Variants in UNC79 observed in about 807,000 individuals in gnomAD.
UNC79 encodes the protein protein unc-79 homolog.
A neutral mutation model predicts 283.1 loss-of-function variants in UNC79; 37 were observed. The observed-to-expected ratio is 0.13, with a 90% CI of 0.10 to 0.17. The LOEUF (loss-of-function observed/expected upper bound fraction) is 0.17. UNC79 is among the 10% of genes least tolerant of loss of function. The pLI is 1.00. For missense variants in UNC79, 2,272 were observed against 3,211.1 expected, an observed-to-expected ratio of 0.71 and a Z score of 7.07; for synonymous variants, 1,107 against 1,200.2, an observed-to-expected ratio of 0.92 and a Z score of 1.61.
At chr14:93,404,493 A>AAAAAAAAATATATATATATATATAT in intron 1 of UNC79, among the ~76,000 whole-genome samples, 144 of 61,418 alleles carry the variant, frequency 2.3e-3, no homozygotes, top group African/African-American at 4.1e-3. Flanking sequence ...TTCTAAAAAA[A>AAAAAAAAATATATATATATATATAT]ATATATATAT....
At chr14:93,509,755 G>A (rs1350696326) in intron 7 of UNC79, among the ~76,000 whole-genome samples, 1 of 152,168 alleles carries the variant, frequency 6.6e-6, no homozygotes, top group Non-Finnish European at 1.5e-5. Flanking sequence ...TCATGGGCTG[G>A]TGTTGAGTAC....
rs1254669352 is a variant in UNC79, at chr14:93,621,706, A to G, written c.4473A>G (p.Lys1491=). 2 of 1,613,738 alleles carry G rather than the reference A, an allele frequency of 1.2e-6. No homozygotes were observed. The highest frequency in any genetic ancestry group is 1.7e-6 in the Non-Finnish European group (2 of 1,179,884). ...GTGTGAGAGAAGAAAGCATTCCGAA[A>G]AAAAAGCTACGCTCTTTCAAACAAA... is the stretch of plus-strand genomic sequence containing the variant. Residue 1491 remains lysine (K), a synonymous_variant, in exon 30 of 49, where the codon AAA becomes AAG. Coordinates refer to ENST00000555664, the Ensembl canonical transcript of UNC79. This position sits in a 1 kb window ranked among gnomAD's most constrained non-coding sequence, Gnocchi z 4.8.
chr14:93,575,536 G>A (rs550250826), intron 17 of UNC79, among the ~76,000 whole-genome samples: 1 of 152,242 alleles, frequency 6.6e-6, no homozygotes, highest in Admixed American at 6.5e-5. Context: ...TTCACTTTGG[G>A]GGTGAGGAGT....
intron 1 of UNC79, among the ~76,000 whole-genome samples, chr14:93,391,314 C>T (rs1224456972): frequency 6.6e-6 from 1 of 152,130 alleles, no homozygotes; most frequent in Non-Finnish European, 1.5e-5. Context: ...TATCTCATAT[C>T]ACAGCCAGAC....
chr14:93,513,356 G>C (rs897076812), intron 7 of UNC79, among the ~76,000 whole-genome samples: 2 of 151,770 alleles, frequency 1.3e-5, no homozygotes, highest in Non-Finnish European at 2.9e-5. Flanking sequence ...TAAGTAGCTG[G>C]AACTACAGGC....
intron 1 of UNC79, among the ~76,000 whole-genome samples, chr14:93,381,926 A>G (rs2054673607): frequency 6.6e-6 from 1 of 152,200 alleles, no homozygotes; most frequent in African/African-American, 2.4e-5. Context: ...CAGTCTTAGG[A>G]AAGCCAAGTG....
intron 23 of UNC79, among the ~76,000 whole-genome samples, chr14:93,595,916 A>G (rs939461829): frequency 2.0e-5 from 3 of 152,152 alleles, no homozygotes; most frequent in African/African-American, 7.2e-5. Flanking sequence ...TCTTAGTGGT[A>G]TACATATGTG....
intron 7 of UNC79, among the ~76,000 whole-genome samples, chr14:93,505,788 G>T (rs2059508442): frequency 2.1e-5 from 3 of 144,786 alleles, no homozygotes; most frequent in African/African-American, 2.6e-5. Flanking sequence ...CCCCATCTTT[G>T]GCTTTGTAAG....
chr14:93,343,539 CT>C (rs1005327960), intron 1 of UNC79, among the ~76,000 whole-genome samples: 8 of 151,424 alleles, frequency 5.3e-5, no homozygotes, highest in Admixed American at 4.0e-4. Context: ...GCCTTTGGTT[CT>C]TTTTTTTTCC....
chr14:93,512,577 C>T (rs2059877694), intron 7 of UNC79, among the ~76,000 whole-genome samples: 1 of 151,842 alleles, frequency 6.6e-6, no homozygotes, highest in Admixed American at 6.6e-5. Flanking sequence ...AAATGTTTAC[C>T]TGTGCATTAG....
At position 93,690,127 on chromosome 14, in the gene UNC79, T is replaced by A. The variant is rs2074573244; in HGVS notation, c.7096T>A (p.Phe2366Ile). 1 of 1,613,996 alleles carries A rather than the reference T, an allele frequency of 6.2e-7. No individual in the cohort carries two copies. The highest frequency in any genetic ancestry group is 1.1e-5 in the South Asian group (1 of 91,046). ...CTTCTTCTCTAATAGACCTAAAGAATTCATTGAGTGTGTCTCCCATATCCG... is the reference window on the plus strand; with the variant it reads ...CTTCTTCTCTAATAGACCTAAAGAAATCATTGAGTGTGTCTCCCATATCCG... Residue 2366 changes from phenylalanine to isoleucine, a missense_variant, in exon 45 of 49, where the codon TTC becomes ATC. Physicochemically the swap from Phe to Ile is conservative, Grantham distance 21. Transcript: ENST00000555664. The surrounding 1 kb of genome is among the most constrained non-coding windows in gnomAD (Gnocchi z 4.3).
At chr14:93,533,701 C>T (rs1486025821) in intron 11 of UNC79, among the ~76,000 whole-genome samples, 2 of 152,164 alleles carry the variant, frequency 1.3e-5, no homozygotes, top group African/African-American at 2.4e-5. Context: ...ATTTCTGTAG[C>T]ATTCAACAGG....
At chr14:93,403,354 C>G (rs149611084) in intron 1 of UNC79, among the ~76,000 whole-genome samples, 2 of 152,250 alleles carry the variant, frequency 1.3e-5, no homozygotes, top group East Asian at 3.9e-4. Context: ...GGGTAAAGAT[C>G]TTTAGGTCCA....
Position 93,688,795 on chromosome 14 carries a change from G to C in UNC79, c.7040G>C (p.Arg2347Pro), listed in dbSNP as rs767740305. Residue 2347 changes from arginine (R) to proline (P), a missense_variant, in exon 44 of 49, where the codon CGC becomes CCC. Arg to Pro is a moderately radical substitution (Grantham distance 103, BLOSUM62 -2). This residue lies in a region of UNC79 where 225 missense variants were observed against 334.2 expected (regional missense o/e 0.67). Coordinates refer to ENST00000555664, the Ensembl canonical transcript of UNC79. The surrounding 1 kb of genome is among the most constrained non-coding windows in gnomAD (Gnocchi z 4.0). ...CACAGAGATAACAAAGCTGTGATCCGCTATCTGCCTTGGCTTTATCATCCC... is the reference window on the plus strand; with the variant it reads ...CACAGAGATAACAAAGCTGTGATCCCCTATCTGCCTTGGCTTTATCATCCC... 1 of 1,613,974 alleles carries C rather than the reference G, an allele frequency of 6.2e-7. No individual in the cohort carries two copies. Among genetic ancestry groups the C allele is most frequent in the Non-Finnish European group, 8.5e-7 (1 of 1,179,988 alleles).
intron 1 of UNC79, among the ~76,000 whole-genome samples, chr14:93,392,068 C>A (rs181802241): frequency 6.6e-6 from 1 of 152,332 alleles, no homozygotes; most frequent in East Asian, 1.9e-4. Flanking sequence ...CCATCAGTTT[C>A]ATTTCTAAGT....
chr14:93,362,586 T>C (rs2054249323), intron 1 of UNC79, among the ~76,000 whole-genome samples: 1 of 152,104 alleles, frequency 6.6e-6, no homozygotes, highest in East Asian at 1.9e-4. Flanking sequence ...TGACTTCAGG[T>C]GATCTCCTGC....
At chr14:93,536,629 A>G (rs1219384640) in intron 11 of UNC79, among the ~76,000 whole-genome samples, 2 of 152,132 alleles carry the variant, frequency 1.3e-5, no homozygotes, top group East Asian at 3.9e-4. Flanking sequence ...CAAATGCACA[A>G]ACCTCTTTGG....
chr14:93,525,037 G>A (rs1296888101), intron 8 of UNC79, among the ~76,000 whole-genome samples: 1 of 152,172 alleles, frequency 6.6e-6, no homozygotes, highest in Non-Finnish European at 1.5e-5. Context: ...ACTGGCAGAG[G>A]AGTGCCGGTA....
chr14:93,378,475 T>C (rs1000927444), intron 1 of UNC79, among the ~76,000 whole-genome samples: 1 of 152,182 alleles, frequency 6.6e-6, no homozygotes, highest in Non-Finnish European at 1.5e-5. Context: ...CAGAAGTGTT[T>C]CAGATTTTGT....
Sources: gnomAD v4.1 joint callset for allele counts (sites outside exome capture counted in the v4.1 genomes callset) on GRCh38, gnomAD v4.1.1 for gene constraint, gnomAD v4.1.1 regional missense constraint, Gnocchi (gnomAD v3.1) non-coding constraint, MANE v1.5 for transcripts, NCBI Gene and HGNC (gene_info 2026-07-23, HGNC 2026-07-21) for gene names.